SLC9A9: variants seen among roughly 807,000 people sequenced by gnomAD.
SLC9A9 encodes the protein solute carrier family 9 member A9.
In SLC9A9, 62 loss-of-function variants were observed where a neutral mutation model predicts 77.8. The observed-to-expected ratio is 0.80, with a 90% CI of 0.65 to 0.98. SLC9A9 has a LOEUF of 0.98. Among genes scored for constraint, SLC9A9 ranks in the 50% least tolerant of loss-of-function variants. The probability of loss-of-function intolerance (pLI) is 0.00; values close to 1 mark genes in which losing one functional copy is unlikely to be tolerated. For missense variants in SLC9A9, 775 were observed against 774.9 expected (o/e 1.00, Z 0.00); for synonymous variants, 320 against 283.5 (o/e 1.13, Z -1.29).
rs549579425 is a variant in SLC9A9 at position 143,296,432 on chromosome 3, G to A, written c.1605-27452C>T. Among the ~76,000 whole-genome samples the A allele has an allele frequency of 4.6e-5, 7 of 152,280 alleles. No homozygotes were observed. In the East Asian group the frequency reaches 1.2e-3, roughly 25 times the overall value. ...AAGGCTGAATAATATTGCATTGTAT[G>A]TATATGCCTCATTTTCTTTATCCAT... On this transcript the variant is annotated intron_variant, in intron 14 of 15. Transcript: ENST00000316549.
chr3:143,301,696 C>T (rs2030526050), intron 14 of SLC9A9, among the ~76,000 whole-genome samples: 2 of 152,152 alleles, frequency 1.3e-5, no homozygotes, highest in African/African-American at 2.4e-5. Context: ...GGCACAGTCC[C>T]TGTGTTTTTG....
intron 5 of SLC9A9, among the ~76,000 whole-genome samples, chr3:143,686,100 C>T (rs893771519): frequency 6.6e-6 from 1 of 152,090 alleles, no homozygotes; most frequent in African/African-American, 2.4e-5. Flanking sequence ...ACCTCATCCG[C>T]GAGGGTGACC....
At chr3:143,639,215 T>C (rs775318872) in intron 6 of SLC9A9, among the ~76,000 whole-genome samples, 17 of 152,244 alleles carry the variant, frequency 1.1e-4, no homozygotes, top group Non-Finnish European at 2.2e-4. Flanking sequence ...CCTTTAACTC[T>C]TGACTTCTGA....
chr3:143,442,385 T>C (rs915164342), intron 12 of SLC9A9, among the ~76,000 whole-genome samples: 5 of 152,228 alleles, frequency 3.3e-5, no homozygotes, highest in Admixed American at 3.3e-4. Flanking sequence ...TATAGCATTG[T>C]TGGCTTTTGC....
At chr3:143,620,341 A>G (rs1299903788) in intron 6 of SLC9A9, among the ~76,000 whole-genome samples, 2 of 152,214 alleles carry the variant, frequency 1.3e-5, no homozygotes, top group South Asian at 2.1e-4. Context: ...GGATTATTAA[A>G]TGAGCTGGGA....
intron 6 of SLC9A9, among the ~76,000 whole-genome samples, chr3:143,617,863 T>C (rs1253224073): frequency 6.6e-6 from 1 of 152,232 alleles, no homozygotes; most frequent in East Asian, 1.9e-4. Flanking sequence ...ACTTTCAACC[T>C]GATCCTGAGA....
intron 4 of SLC9A9, among the ~76,000 whole-genome samples, chr3:143,712,296 T>A (rs1454643187): frequency 1.3e-5 from 2 of 152,218 alleles, no homozygotes; most frequent in Non-Finnish European, 2.9e-5. Context: ...CAAGCTTGAT[T>A]TGATCTTTGA....
intron 14 of SLC9A9, among the ~76,000 whole-genome samples, chr3:143,317,976 C>A (rs1488596875): frequency 1.3e-5 from 2 of 152,152 alleles, no homozygotes; most frequent in African/African-American, 4.8e-5. Flanking sequence ...ATCTGCCCAC[C>A]TTGGCCTCCC....
intron 4 of SLC9A9, among the ~76,000 whole-genome samples, chr3:143,767,598 T>C (rs954607142): frequency 8.5e-5 from 13 of 152,160 alleles, no homozygotes; most frequent in Admixed American, 6.5e-5. Context: ...TTGGTTTCTA[T>C]TATTTTGTGG....
At chr3:143,653,707 C>T (rs2038839922) in intron 5 of SLC9A9, among the ~76,000 whole-genome samples, 1 of 152,092 alleles carries the variant, frequency 6.6e-6, no homozygotes, top group Middle Eastern at 3.2e-3. Context: ...GCAGAATGGA[C>T]ACATGGCTGG....
At chr3:143,293,198 G>T (rs1186271461) in intron 14 of SLC9A9, among the ~76,000 whole-genome samples, 7 of 152,116 alleles carry the variant, frequency 4.6e-5, no homozygotes, top group African/African-American at 1.7e-4. Context: ...GATTCCTCCT[G>T]CAGGTTAACA....
At chr3:143,331,020 A>G (rs898560138) in intron 14 of SLC9A9, among the ~76,000 whole-genome samples, 2 of 152,212 alleles carry the variant, frequency 1.3e-5, no homozygotes, top group Non-Finnish European at 2.9e-5. Flanking sequence ...GCATATAAAG[A>G]AAGTCTTTGT....
intron 4 of SLC9A9, among the ~76,000 whole-genome samples, chr3:143,784,106 C>T (rs1362692619): frequency 6.6e-6 from 1 of 152,206 alleles, no homozygotes; most frequent in Non-Finnish European, 1.5e-5. Flanking sequence ...GCCACACCTC[C>T]ACATTCTCTG....
At chr3:143,578,460 C>A (rs934081823) in intron 7 of SLC9A9, 125 bp downstream of exon 7, 13 of 1,411,382 alleles carry the variant, frequency 9.2e-6, no homozygotes, top group Non-Finnish European at 1.2e-5. Context: ...CCAGTGGTGC[C>A]GTATGAAACT....
At chr3:143,526,732 T>A (rs1033973360) in intron 9 of SLC9A9, among the ~76,000 whole-genome samples, 2 of 152,180 alleles carry the variant, frequency 1.3e-5, no homozygotes, top group African/African-American at 2.4e-5. Flanking sequence ...CAAAAACAAT[T>A]TTTGTTCCTT....
chr3:143,546,091 G>A (rs558446761), intron 9 of SLC9A9, among the ~76,000 whole-genome samples: 1 of 152,230 alleles, frequency 6.6e-6, no homozygotes, highest in Admixed American at 6.5e-5. Flanking sequence ...AGAGGATGGG[G>A]GCAAGACCCA....
intron 4 of SLC9A9, among the ~76,000 whole-genome samples, chr3:143,759,317 C>T (rs2007034075): frequency 6.6e-6 from 1 of 152,098 alleles, no homozygotes; most frequent in Non-Finnish European, 1.5e-5. Context: ...GGGCACATGG[C>T]CCCAAGTCAG....
intron 4 of SLC9A9, among the ~76,000 whole-genome samples, chr3:143,760,534 A>G (rs2007084093): frequency 6.6e-6 from 1 of 152,206 alleles, no homozygotes; most frequent in Admixed American, 6.5e-5. Flanking sequence ...AATCACAAGC[A>G]TTCTTATACA....
rs75369217 is a variant in SLC9A9 at position 143,436,661 on chromosome 3, C to T, written c.1469+30376G>A. Among the ~76,000 whole-genome samples the T allele has an allele frequency of 0.012, 1,850 of 152,282 alleles. 134 individuals are homozygous for T. The East Asian group carries it at 0.21, about 18-fold the overall frequency. On this transcript the variant is annotated intron_variant, in intron 12 of 15. Transcript: ENST00000316549. ...AGCAAAATAAAACATTGCCTTGTTA[C>T]GGACTGTAATTTGTGACTAATTAGG...
Sources: gnomAD v4.1 joint callset for allele counts (sites outside exome capture counted in the v4.1 genomes callset) on GRCh38, gnomAD v4.1.1 for gene constraint, MANE v1.5 for transcripts, NCBI Gene and HGNC (gene_info 2026-07-23, HGNC 2026-07-21) for gene names.